The following COBL variants were observed in gnomAD, a reference collection of about 807,000 sequenced individuals.
The protein encoded by COBL is cordon-bleu WH2 repeat protein.
COBL carries 51 observed loss-of-function variants against 98.8 expected under a neutral mutation model. The observed-to-expected ratio is 0.52, with a 90% CI of 0.41 to 0.65. The LOEUF is 0.65. COBL is among the 30% of genes least tolerant of loss of function. The probability of loss-of-function intolerance (pLI) is 0.00; values close to 1 mark genes in which losing one functional copy is unlikely to be tolerated. For missense variants in COBL, 1,617 were observed against 1,617.5 expected, an observed-to-expected ratio of 1.00 and a Z score of 0.01; for synonymous variants, 634 against 651.7, an observed-to-expected ratio of 0.97 and a Z score of 0.41.
At chr7:51,282,515 G>A (rs763498615) in intron 1 of COBL, among the ~76,000 whole-genome samples, 2 of 152,012 alleles carry the variant, frequency 1.3e-5, no homozygotes, top group African/African-American at 4.8e-5. Context: ...TCAACAAGAA[G>A]ATATAACAAT....
intron 8 of COBL, among the ~76,000 whole-genome samples, chr7:51,038,135 A>T (rs1454104400): frequency 6.6e-6 from 1 of 152,200 alleles, no homozygotes; most frequent in Non-Finnish European, 1.5e-5. Flanking sequence ...TACAGGCGTG[A>T]GCCCAACGTG....
At chr7:51,259,750 C>G in intron 1 of COBL, 1 of 745,752 alleles carries the variant, frequency 1.3e-6, no homozygotes, top group Non-Finnish European at 2.5e-6. Flanking sequence ...GTGGAAATAC[C>G]CAGATCACAT....
intron 1 of COBL, among the ~76,000 whole-genome samples, chr7:51,257,213 A>G (rs1270476640): frequency 6.6e-6 from 1 of 152,240 alleles, no homozygotes; most frequent in African/African-American, 2.4e-5. Context: ...ATGGTGTGCA[A>G]TAGTGAATTA....
At chr7:51,233,658 T>C (rs1794977793) in intron 1 of COBL, among the ~76,000 whole-genome samples, 1 of 152,160 alleles carries the variant, frequency 6.6e-6, no homozygotes, top group African/African-American at 2.4e-5. Context: ...ACACAGCGCA[T>C]AACTGATTGG....
intron 7 of COBL, among the ~76,000 whole-genome samples, chr7:51,067,339 T>C (rs1792039022): frequency 6.6e-6 from 1 of 152,244 alleles, no homozygotes; most frequent in African/African-American, 2.4e-5. Flanking sequence ...GTACACCATG[T>C]GTAGGCATAT....
intron 5 of COBL, among the ~76,000 whole-genome samples, chr7:51,138,805 C>T (rs1247353155): frequency 3.9e-5 from 6 of 152,198 alleles, no homozygotes; most frequent in Non-Finnish European, 7.3e-5. Flanking sequence ...CCCCATCTGA[C>T]GTCCCAGAAA....
intron 1 of COBL, among the ~76,000 whole-genome samples, chr7:51,220,887 T>C (rs957609158): frequency 4.1e-4 from 62 of 152,300 alleles, no homozygotes; most frequent in African/African-American, 1.3e-3. Context: ...CCTTGTTTTA[T>C]ACAGGTACCT....
chr7:51,200,610 C>T (rs1356343020), intron 2 of COBL, among the ~76,000 whole-genome samples: 2 of 152,022 alleles, frequency 1.3e-5, no homozygotes, highest in Non-Finnish European at 2.9e-5. Flanking sequence ...TAACCACACA[C>T]AAATACACAC....
chr7:51,116,071 T>C (rs1797247681), intron 6 of COBL, among the ~76,000 whole-genome samples: 1 of 152,108 alleles, frequency 6.6e-6, no homozygotes, highest in South Asian at 2.1e-4. Context: ...TTTCTACCCA[T>C]TCACTTTTAA....
At chr7:51,067,954 GT>G (rs1186404938) in intron 7 of COBL, among the ~76,000 whole-genome samples, 1 of 152,224 alleles carries the variant, frequency 6.6e-6, no homozygotes, top group African/African-American at 2.4e-5. Flanking sequence ...CAGAGACGGA[GT>G]GAGGGTCAGT....
chr7:51,075,322 T>C (rs1792964260), intron 7 of COBL, among the ~76,000 whole-genome samples: 2 of 152,250 alleles, frequency 1.3e-5, no homozygotes, highest in Non-Finnish European at 2.9e-5. Context: ...AAATAGTTTC[T>C]TGATGGTTGA....
chr7:51,062,636 T>C lies in COBL; in HGVS notation c.1097-18944A>G, dbSNP rs996722722. On this transcript the variant is annotated intron_variant, in intron 7 of 12. Transcript: ENST00000265136. ...GCTTATTTACTTGTGTGTTTCATCA[T>C]TGCATGGAAACGTGGGCGCTTGCTG... Among the ~76,000 whole-genome samples, 8 of 152,222 alleles carry C rather than the reference T, an allele frequency of 5.3e-5. No homozygotes were observed. In the East Asian group the frequency reaches 9.6e-4, roughly 18 times the overall value.
intron 7 of COBL, chr7:51,065,017 T>C: frequency 1.6e-6 from 1 of 607,336 alleles, no homozygotes. Flanking sequence ...CAGACAGAAT[T>C]CATTACATTA....
chr7:51,079,543 AG>A, intron 7 of COBL, among the ~76,000 whole-genome samples: 1 of 152,378 alleles, frequency 6.6e-6, no homozygotes, highest in Admixed American at 6.5e-5. Flanking sequence ...CTAGTAGAGG[AG>A]GCACATAACA....
intron 6 of COBL, among the ~76,000 whole-genome samples, chr7:51,114,181 C>T (rs1024541309): frequency 2.6e-5 from 4 of 152,084 alleles, no homozygotes; most frequent in Non-Finnish European, 4.4e-5. Flanking sequence ...GAAGCTGGGG[C>T]GGCCCCTCCA....
intron 1 of COBL, among the ~76,000 whole-genome samples, chr7:51,231,550 A>T (rs1378532466): frequency 6.6e-6 from 1 of 152,222 alleles, no homozygotes. Flanking sequence ...GGGGAAGTGC[A>T]GGAGCTTGAA....
chr7:51,054,727 C>T (rs1179137101), intron 7 of COBL, among the ~76,000 whole-genome samples: 1 of 152,162 alleles, frequency 6.6e-6, no homozygotes, highest in Non-Finnish European at 1.5e-5. Flanking sequence ...TTATGATTTC[C>T]TTCTCATTTT....
chr7:51,273,410 T>C (rs1798973390), intron 1 of COBL, among the ~76,000 whole-genome samples: 2 of 152,120 alleles, frequency 1.3e-5, no homozygotes, highest in African/African-American at 4.8e-5. Flanking sequence ...TTAATGTATA[T>C]TCTAGCTTGT....
chr7:51,249,747 A>G (rs1345927280), intron 1 of COBL, among the ~76,000 whole-genome samples: 1 of 152,176 alleles, frequency 6.6e-6, no homozygotes, highest in East Asian at 1.9e-4. Context: ...CACCAGACCT[A>G]AACTGGGCAC....
Sources: allele counts gnomAD v4.1 joint callset (sites outside exome capture counted in the v4.1 genomes callset), GRCh38; gene constraint gnomAD v4.1.1; transcripts MANE v1.5; gene names NCBI Gene and HGNC (gene_info 2026-07-23, HGNC 2026-07-21).